Variants in PPA2 observed in about 807,000 individuals in gnomAD.
The protein encoded by PPA2 is inorganic pyrophosphatase 2.
In PPA2, 48 loss-of-function variants were observed where a neutral mutation model predicts 49.5. The ratio of observed to expected loss-of-function variants is 0.97; its 90% CI spans 0.77 to 1.23. The LOEUF is 1.23. PPA2 is among the 50% of genes most tolerant of loss of function. The pLI, the probability that PPA2 is intolerant of heterozygous loss-of-function variation, is 0.00. For missense variants in PPA2, 429 were observed against 410.1 expected, an observed-to-expected ratio of 1.05 and a Z score of -0.40; for synonymous variants, 131 against 139.9, an observed-to-expected ratio of 0.94 and a Z score of 0.45.
intron 7 of PPA2, among the ~76,000 whole-genome samples, chr4:105,415,608 T>C (rs2726469): frequency 2.0e-5 from 3 of 151,794 alleles, no homozygotes; most frequent in Admixed American, 6.6e-5. Context: ...GCTGTGGCTG[T>C]GTGGCTGCAG....
chr4:105,404,606 G>T (rs1017305587), intron 7 of PPA2, among the ~76,000 whole-genome samples: 1 of 152,058 alleles, frequency 6.6e-6, no homozygotes, highest in African/African-American at 2.4e-5. Flanking sequence ...TCCAGAATAG[G>T]GAAGAAGAAA....
chr4:105,459,916 G>A (rs1273560628), intron 1 of PPA2, among the ~76,000 whole-genome samples: 1 of 152,184 alleles, frequency 6.6e-6, no homozygotes, highest in Non-Finnish European at 1.5e-5. Flanking sequence ...GAGTAGGGTT[G>A]ACCCTAAAGG....
At chr4:105,457,096 T>G (rs758869858) in intron 1 of PPA2, among the ~76,000 whole-genome samples, 3 of 152,122 alleles carry the variant, frequency 2.0e-5, no homozygotes, top group African/African-American at 7.2e-5. Context: ...TGAATTCTAT[T>G]AAAACTGATG....
At chr4:105,412,659 A>C (rs1191432640) in intron 7 of PPA2, among the ~76,000 whole-genome samples, 1 of 152,212 alleles carries the variant, frequency 6.6e-6, no homozygotes, top group Non-Finnish European at 1.5e-5. Flanking sequence ...AACCCCATCA[A>C]AAAGTAAGCA....
intron 1 of PPA2, among the ~76,000 whole-genome samples, chr4:105,466,704 G>A (rs1280007505): frequency 6.6e-6 from 1 of 152,150 alleles, no homozygotes; most frequent in Admixed American, 6.5e-5. Flanking sequence ...ACAAATGCAC[G>A]GTTTGACCTT....
chr4:105,459,354 G>A (rs143921102), intron 1 of PPA2, among the ~76,000 whole-genome samples: 1 of 152,148 alleles, frequency 6.6e-6, no homozygotes, highest in Non-Finnish European at 1.5e-5. Flanking sequence ...AGTAACACAA[G>A]AACACAAAAA....
Position 105,369,448 on chromosome 4 carries a change from C to A in PPA2, c.*277G>T. ...ACATACTGGCCAGGCTGGTCTTGAA[C>A]TCCTGACCTTGTGATCTGCCCACCT... On this transcript the variant is annotated 3_prime_UTR_variant, in exon 12 of 12. Transcript: ENST00000341695. 2.7e-6 allele frequency: 1 copy of A among 364,480 alleles called. No individual in the cohort carries two copies. Among genetic ancestry groups the A allele is most frequent in the Non-Finnish European group, 5.0e-6 (1 of 198,616 alleles). The allele number at this position is 364,480 out of a possible 1,614,324, so 22.6% of individuals were successfully genotyped here.
intron 9 of PPA2, among the ~76,000 whole-genome samples, chr4:105,389,446 T>TAA (rs370183473): frequency 6.1e-5 from 8 of 130,328 alleles, no homozygotes; most frequent in Non-Finnish European, 1.2e-4. Flanking sequence ...AAACGAAACT[T>TAA]AAAAAAAAAA....
intron 7 of PPA2, among the ~76,000 whole-genome samples, chr4:105,410,670 T>A (rs997244422): frequency 1.3e-5 from 2 of 152,150 alleles, no homozygotes; most frequent in Admixed American, 6.5e-5. Flanking sequence ...GAGAGAAAGG[T>A]CAGGTTACCC....
At chr4:105,404,822 C>A (rs1722384492) in intron 7 of PPA2, among the ~76,000 whole-genome samples, 1 of 152,108 alleles carries the variant, frequency 6.6e-6, no homozygotes, top group Non-Finnish European at 1.5e-5. Flanking sequence ...TGGCTCACAC[C>A]TGTAATCCCA....
intron 1 of PPA2, among the ~76,000 whole-genome samples, chr4:105,459,734 C>T (rs1029014590): frequency 2.0e-5 from 3 of 151,928 alleles, no homozygotes; most frequent in Admixed American, 6.6e-5. Flanking sequence ...ATTAATTATT[C>T]CACAATAAAA....
intron 6 of PPA2, among the ~76,000 whole-genome samples, chr4:105,434,182 T>A (rs1723946215): frequency 6.6e-6 from 1 of 151,862 alleles, no homozygotes; most frequent in South Asian, 2.1e-4. Context: ...GGAACCAGAG[T>A]GGAAAATAAT....
At chr4:105,386,517 T>C in intron 10 of PPA2, 50 bp downstream of exon 10, 1 of 1,534,828 alleles carries the variant, frequency 6.5e-7, no homozygotes. Flanking sequence ...CTACTAGACT[T>C]CCTATGACAT....
chr4:105,383,918 T>C (rs1733590813), intron 10 of PPA2, among the ~76,000 whole-genome samples: 1 of 149,452 alleles, frequency 6.7e-6, no homozygotes, highest in East Asian at 1.9e-4. Flanking sequence ...AAAAACCTGA[T>C]AGCACTTTGA....
intron 7 of PPA2, chr4:105,423,460 C>T (rs1723342979): frequency 6.6e-6 from 1 of 152,132 alleles, no homozygotes; most frequent in Admixed American, 6.5e-5. Context: ...ATATTCAACA[C>T]TGGTATGTGA....
intron 10 of PPA2, among the ~76,000 whole-genome samples, chr4:105,383,269 T>G (rs1352093615): frequency 2.6e-5 from 4 of 152,226 alleles, no homozygotes; most frequent in African/African-American, 7.2e-5. Flanking sequence ...TCTTTGCAGA[T>G]CTTTCAGATC....
intron 9 of PPA2, among the ~76,000 whole-genome samples, chr4:105,388,446 AT>A (rs1207174225): frequency 1.3e-5 from 2 of 152,162 alleles, no homozygotes; most frequent in African/African-American, 4.8e-5. Context: ...AAATTTAAAA[AT>A]ATCTCTGATA....
Position 105,456,697 on chromosome 4 carries a change from T to G in PPA2, c.206A>C (p.Lys69Thr), listed in dbSNP as rs1166495708. The G allele has an allele frequency of 8.7e-6, 14 of 1,606,756 alleles. No homozygotes were observed. Among genetic ancestry groups the G allele is most frequent in the Non-Finnish European group, 1.2e-5 (14 of 1,175,340 alleles). Reference protein sequence around the residue: ...YISPFHDIPLKVNSKEENGIP... With the variant: ...YISPFHDIPLTVNSKEENGIP... ...AAACAATACCTCTTTAGAGTTCACC[T>G]TCAGAGGAATATCATGAAAGGGGGA... The change falls in exon 2 of 12, where the codon AAG becomes ACG. Residue 69 changes from lysine (K) to threonine (T), a missense_variant. Physicochemically the swap from Lys to Thr is moderately conservative, Grantham distance 78 (BLOSUM62 -1). Coordinates refer to ENST00000341695, the MANE Select transcript of PPA2 (RefSeq NM_176869.3).
chr4:105,380,800 T>C (rs971389679), intron 10 of PPA2, among the ~76,000 whole-genome samples: 2 of 152,154 alleles, frequency 1.3e-5, no homozygotes, highest in Non-Finnish European at 1.5e-5. Context: ...ATACTATATG[T>C]GTCCTGCTTT....
Sources: allele counts gnomAD v4.1 joint callset (sites outside exome capture counted in the v4.1 genomes callset), GRCh38; gene constraint gnomAD v4.1.1; transcripts MANE v1.5; gene names NCBI Gene and HGNC (gene_info 2026-07-23, HGNC 2026-07-21).